The following NR6A1 variants were observed in gnomAD, a reference collection of about 807,000 sequenced individuals.
NR6A1 encodes the protein nuclear receptor subfamily 6 group A member 1.
A neutral mutation model predicts 59.1 loss-of-function variants in NR6A1; 7 were observed. That is an observed-to-expected ratio of 0.12 (90% CI 0.07 to 0.22). The LOEUF is 0.22. Among genes scored for constraint, NR6A1 ranks in the 10% least tolerant of loss-of-function variants. NR6A1 has a pLI of 1.00. For synonymous variants in NR6A1, 243 were observed against 236.1 expected (o/e 1.03, Z -0.27); for missense variants, 468 against 611.6 (o/e 0.77, Z 2.48).
intron 2 of NR6A1, among the ~76,000 whole-genome samples, chr9:124,671,044 A>C (rs116657920): frequency 1.3e-5 from 2 of 152,248 alleles, no homozygotes; most frequent in Non-Finnish European, 2.9e-5. Context: ...TTCTACTTAT[A>C]TAAGATATCT....
intron 2 of NR6A1, among the ~76,000 whole-genome samples, chr9:124,665,536 G>A (rs1257398892): frequency 3.3e-5 from 5 of 152,158 alleles, no homozygotes; most frequent in Non-Finnish European, 7.4e-5. Context: ...GATAATTTCT[G>A]GAGAGGATGA....
In NR6A1 at chr9:124,519,202, T is replaced by A. The variant is rs891539855; in HGVS notation, c.*3503A>T. ...TTGATGTGGAGTGGGTGACATTCAGTGATGCCACAGAAACCCTTAGGATTC... is the reference window on the plus strand; with the variant it reads ...TTGATGTGGAGTGGGTGACATTCAGAGATGCCACAGAAACCCTTAGGATTC... On this transcript the variant is annotated 3_prime_UTR_variant, in exon 10 of 10. Transcript: ENST00000487099. 2 of 152,188 alleles carry A rather than the reference T, an allele frequency of 1.3e-5. No homozygotes were observed. The highest frequency in any genetic ancestry group is 2.9e-5 in the Non-Finnish European group (2 of 68,048). The allele number at this position is 152,188 out of a possible 1,614,324, so 9.4% of individuals were successfully genotyped here.
chr9:124,582,975 C>G (rs1167884760), intron 2 of NR6A1, among the ~76,000 whole-genome samples: 1 of 152,122 alleles, frequency 6.6e-6, no homozygotes, highest in African/African-American at 2.4e-5. Flanking sequence ...CCTTCCCCCC[C>G]AAAGCACTCA....
chr9:124,610,790 T>A (rs1333397039), intron 2 of NR6A1, among the ~76,000 whole-genome samples: 2 of 152,226 alleles, frequency 1.3e-5, no homozygotes, highest in African/African-American at 4.8e-5. Context: ...TCATTATCGG[T>A]CTATTCAGGG....
In NR6A1 at chr9:124,525,699, C is replaced by G. The variant is rs915030; in HGVS notation, c.1202-826G>C. Among the ~76,000 whole-genome samples the G allele has an allele frequency of 1.6e-4, 23 of 147,140 alleles. 1 individual carries two copies. Among genetic ancestry groups the G allele is most frequent in the Non-Finnish European group, 6.0e-5 (4 of 67,014 alleles). On this transcript the variant is annotated intron_variant, in intron 8 of 9. Transcript: ENST00000487099. ...TAGATCTCTCTCTCTCTCTCTCTCT[C>G]TATATATATATACACACACACACAC...
chr9:124,674,025 G>A (rs535949827), intron 2 of NR6A1, among the ~76,000 whole-genome samples: 4 of 152,186 alleles, frequency 2.6e-5, no homozygotes, highest in East Asian at 3.9e-4. Context: ...CTCAGCAAAC[G>A]ACTTTTCTCT....
At chr9:124,686,150 C>A (rs747906640) in intron 2 of NR6A1, among the ~76,000 whole-genome samples, 3 of 152,094 alleles carry the variant, frequency 2.0e-5, no homozygotes, top group Non-Finnish European at 4.4e-5. Context: ...TTTCTAAGAA[C>A]AGAGCTCAAG....
At chr9:124,659,155 G>C (rs1375173509) in intron 2 of NR6A1, among the ~76,000 whole-genome samples, 1 of 152,176 alleles carries the variant, frequency 6.6e-6, no homozygotes, top group African/African-American at 2.4e-5. Context: ...GGGCGGTGGG[G>C]GTAGAGGCAA....
chr9:124,689,956 T>C (rs1838470399), intron 2 of NR6A1, among the ~76,000 whole-genome samples: 1 of 152,188 alleles, frequency 6.6e-6, no homozygotes, highest in Admixed American at 6.5e-5. Context: ...AAGGGTTTTA[T>C]ATACAGGAAA....
chr9:124,673,090 G>A (rs1837844694), intron 2 of NR6A1, among the ~76,000 whole-genome samples: 1 of 152,148 alleles, frequency 6.6e-6, no homozygotes, highest in Non-Finnish European at 1.5e-5. Flanking sequence ...GAGAGGCCAA[G>A]GCTAGCGGAT....
At position 124,771,154 on chromosome 9, in the gene NR6A1, C is replaced by T. The variant is rs1048771850; in HGVS notation, c.-35G>A. On this transcript the variant is annotated 5_prime_UTR_variant, in exon 1 of 10. Coordinates refer to ENST00000487099, the MANE Select transcript of NR6A1 (RefSeq NM_033334.4). ...CCTAGGGTCCGCGCCGGGTTTGTTG[C>T]TCCGCCATGACCGGCGCCCTAGTCG... 37 of 1,148,132 alleles carry T rather than the reference C, an allele frequency of 3.2e-5. No homozygotes were observed. Among genetic ancestry groups the T allele is most frequent in the Non-Finnish European group, 3.9e-5 (36 of 911,400 alleles). 71.1% of individuals were successfully genotyped at this position (1,148,132 alleles called of 1,614,324 possible). A position where few individuals can be genotyped will look rare whatever the true frequency, so the allele number is the denominator to read the frequency against.
intron 2 of NR6A1, among the ~76,000 whole-genome samples, chr9:124,620,250 T>C (rs945788612): frequency 2.0e-5 from 3 of 151,974 alleles, no homozygotes; most frequent in African/African-American, 7.2e-5. Flanking sequence ...CTCTGAGAAG[T>C]TGAATTAAGG....
At chr9:124,755,409 T>C (rs58311748) in intron 1 of NR6A1, among the ~76,000 whole-genome samples, 2,766 of 152,282 alleles carry the variant, frequency 0.018, 77 homozygotes, top group African/African-American at 0.062. Flanking sequence ...TAAGAGTGAC[T>C]AGGTTAGTCT....
intron 2 of NR6A1, among the ~76,000 whole-genome samples, chr9:124,645,988 T>C (rs1215433376): frequency 1.3e-5 from 2 of 152,062 alleles, no homozygotes; most frequent in East Asian, 1.9e-4. Context: ...CTCAAATACA[T>C]AAAGATTAAA....
In NR6A1 at chr9:124,771,308, C is replaced by T. The variant is rs751243479; in HGVS notation, c.-189G>A. On this transcript the variant is annotated 5_prime_UTR_variant, in exon 1 of 10. Transcript: ENST00000487099. ...GCCCCTCCGCGCCGCGCCCCCTCAG[C>T]ACTGGCCAGCTCCCTCCCCTGACGT... The T allele has an allele frequency of 1.0e-5, 4 of 388,258 alleles. No individual in the cohort carries two copies. The highest frequency in any genetic ancestry group is 1.8e-5 in the Non-Finnish European group (4 of 219,644). The allele number at this position is 388,258 out of a possible 1,614,324, so 24.1% of individuals were successfully genotyped here. A position where few individuals can be genotyped will look rare whatever the true frequency, so the allele number is the denominator to read the frequency against.
chr9:124,569,583 T>G (rs1165719844), intron 2 of NR6A1, among the ~76,000 whole-genome samples: 1 of 152,214 alleles, frequency 6.6e-6, no homozygotes, highest in Non-Finnish European at 1.5e-5. Flanking sequence ...AAAAGGGATC[T>G]GTTTCAACTG....
chr9:124,559,867 A>ATC (rs1834032579), intron 2 of NR6A1, among the ~76,000 whole-genome samples: 1 of 152,200 alleles, frequency 6.6e-6, no homozygotes, highest in Non-Finnish European at 1.5e-5. Context: ...TAGTATCAAA[A>ATC]TCTCTCTTAA....
chr9:124,545,226 A>C (rs1833563721), intron 3 of NR6A1, among the ~76,000 whole-genome samples: 2 of 152,236 alleles, frequency 1.3e-5, no homozygotes, highest in African/African-American at 4.8e-5. Flanking sequence ...TGAAAAGAGA[A>C]AATACTGGTA....
chr9:124,715,871 T>C (rs1588822468), intron 2 of NR6A1, among the ~76,000 whole-genome samples: 1 of 152,352 alleles, frequency 6.6e-6, no homozygotes, highest in East Asian at 1.9e-4. Context: ...ATATAGGGTC[T>C]ATAAATAGAC....
Sources: allele counts gnomAD v4.1 joint callset (sites outside exome capture counted in the v4.1 genomes callset), GRCh38; gene constraint gnomAD v4.1.1; transcripts MANE v1.5; gene names NCBI Gene and HGNC (gene_info 2026-07-23, HGNC 2026-07-21).